The following NBAS variants were observed in gnomAD, a reference collection of about 807,000 sequenced individuals.
The protein encoded by NBAS is NAG/BC035112 fusion.
Under a neutral mutation model 302.5 loss-of-function variants are expected in NBAS, and 219 were observed. That is an observed-to-expected ratio of 0.72 (90% CI 0.65 to 0.81). The LOEUF is 0.81. Among genes scored for constraint, NBAS ranks in the 30% least tolerant of loss-of-function variants. The pLI is 0.00. For missense variants in NBAS, 2,932 were observed against 2,841.6 expected (o/e 1.03, Z -0.72); for synonymous variants, 1,118 against 1,021.6 (o/e 1.09, Z -1.80).
chr2:15,010,380 T>C, the NBAS span, among the ~76,000 whole-genome samples: 2 of 152,198 alleles, frequency 1.3e-5, no homozygotes, highest in African/African-American at 4.8e-5. Flanking sequence ...ACAGAGGCAG[T>C]ATTATGTTAG....
chr2:15,542,106 C>A (rs1241965990), intron 6 of NBAS, among the ~76,000 whole-genome samples: 1 of 83,610 alleles, frequency 1.2e-5, no homozygotes. Context: ...TCTGCCTGGC[C>A]ACCACCCCGT....
the NBAS span, among the ~76,000 whole-genome samples, chr2:15,022,764 T>C: frequency 6.6e-6 from 1 of 152,182 alleles, no homozygotes; most frequent in Non-Finnish European, 1.5e-5. Flanking sequence ...CTGCCTGTCC[T>C]GCTTCTATTT....
intron 38 of NBAS, among the ~76,000 whole-genome samples, chr2:15,318,004 T>C (rs1671598728): frequency 6.6e-6 from 1 of 152,184 alleles, no homozygotes; most frequent in Non-Finnish European, 1.5e-5. Flanking sequence ...GCACAAAAGG[T>C]TGGGTTGCCC....
chr2:15,133,712 A>G, the NBAS span, among the ~76,000 whole-genome samples: 1 of 152,164 alleles, frequency 6.6e-6, no homozygotes, highest in African/African-American at 2.4e-5. Flanking sequence ...TGTGGCTAGT[A>G]GGTCCCCATT....
At chr2:15,504,110 G>C (rs773804112) in intron 11 of NBAS, 35 bp downstream of exon 11, 2 of 1,568,506 alleles carry the variant, frequency 1.3e-6, no homozygotes, top group African/African-American at 2.7e-5. Flanking sequence ...AAAAATGTTT[G>C]AGAAGCCCAC....
chr2:15,347,994 G>A (rs951619284), intron 35 of NBAS, among the ~76,000 whole-genome samples: 4 of 152,304 alleles, frequency 2.6e-5, no homozygotes, highest in Admixed American at 2.6e-4. Flanking sequence ...TTTCACAAGT[G>A]AAGTAATGAA....
At chr2:15,173,211 T>C (rs1311508428) in intron 51 of NBAS, among the ~76,000 whole-genome samples, 1 of 152,216 alleles carries the variant, frequency 6.6e-6, no homozygotes, top group East Asian at 1.9e-4. Flanking sequence ...AAGAAATCTA[T>C]TAAAGCACAA....
the NBAS span, among the ~76,000 whole-genome samples, chr2:14,787,889 T>G: frequency 1.3e-5 from 2 of 152,218 alleles, no homozygotes; most frequent in African/African-American, 4.8e-5. Flanking sequence ...ATTGGGGAAG[T>G]TCTCCTGGAT....
At chr2:14,811,723 G>A in the NBAS span, among the ~76,000 whole-genome samples, 3 of 152,172 alleles carry the variant, frequency 2.0e-5, no homozygotes, top group African/African-American at 7.2e-5. Context: ...TAAGGTGGCT[G>A]TTGCAGTAAC....
At chr2:15,553,097 C>T (rs112635366) in intron 5 of NBAS, among the ~76,000 whole-genome samples, 80 of 152,276 alleles carry the variant, frequency 5.3e-4, no homozygotes, top group South Asian at 2.1e-3. Flanking sequence ...TTTACACCTT[C>T]CTGAGTTTCT....
Position 15,388,390 on chromosome 2 carries a change from TA to T in NBAS, c.3258-5074del, listed in dbSNP as rs57526833. Reference sequence around the variant, plus strand: ...CACTAGTCATGTAAGAAATGCATATTAAAAAAAAAAAGAAATGCATATTTTA... The same window carrying T: ...CACTAGTCATGTAAGAAATGCATATTAAAAAAAAAAGAAATGCATATTTTA... On this transcript the variant is annotated intron_variant, in intron 28 of 51. Transcript: ENST00000281513. Among the ~76,000 whole-genome samples, 99 of 145,624 alleles carry T rather than the reference TA, an allele frequency of 6.8e-4. 1 individual carries two copies. The highest frequency in any genetic ancestry group is 8.8e-4 in the African/African-American group (35 of 39,978).
chr2:15,087,050 AT>A, the NBAS span, among the ~76,000 whole-genome samples: 1 of 150,900 alleles, frequency 6.6e-6, no homozygotes, highest in Non-Finnish European at 1.5e-5. Flanking sequence ...CTGGAACATC[AT>A]TTTTTTCCCC....
the NBAS span, among the ~76,000 whole-genome samples, chr2:15,144,067 ATC>A: frequency 4.2e-4 from 49 of 115,820 alleles, 6 homozygotes; most frequent in African/African-American, 1.6e-3. Flanking sequence ...ATATATATAT[ATC>A]TCCCATTAGT....
At chr2:15,364,512 C>A (rs767158435) in intron 32 of NBAS, among the ~76,000 whole-genome samples, 1 of 151,940 alleles carries the variant, frequency 6.6e-6, no homozygotes, top group Non-Finnish European at 1.5e-5. Context: ...GCCTGGGCAA[C>A]AAGAGCGAAA....
At chr2:15,382,853 A>C (rs1675108445) in intron 29 of NBAS, among the ~76,000 whole-genome samples, 1 of 152,196 alleles carries the variant, frequency 6.6e-6, no homozygotes, top group Non-Finnish European at 1.5e-5. Flanking sequence ...GTAGGGAAAC[A>C]AGTAGGGGGA....
intron 35 of NBAS, among the ~76,000 whole-genome samples, chr2:15,335,723 C>G (rs1672552375): frequency 6.6e-6 from 1 of 152,146 alleles, no homozygotes; most frequent in South Asian, 2.1e-4. Flanking sequence ...ATTCTGGATA[C>G]ACATCCCTTA....
chr2:15,455,784 C>T (rs756934905), intron 21 of NBAS, among the ~76,000 whole-genome samples: 4 of 137,632 alleles, frequency 2.9e-5, no homozygotes, highest in African/African-American at 5.4e-5. Flanking sequence ...CTTGCTCCTA[C>T]GCTACACTAT....
the NBAS span, among the ~76,000 whole-genome samples, chr2:14,791,110 C>T: frequency 1.4e-4 from 22 of 152,144 alleles, no homozygotes; most frequent in Non-Finnish European, 1.2e-4. Context: ...CCGCCTTGGC[C>T]TCCCAAAGTG....
rs771673475 is a variant in NBAS, at chr2:15,473,251, C to T, written c.1696G>A (p.Val566Ile). The change falls in exon 16 of 52, where the codon GTC (valine) becomes ATC (isoleucine). Residue 566 changes from valine to isoleucine, a missense_variant. By Grantham distance (29) the Val-to-Ile change is conservative. Coordinates refer to ENST00000281513, the MANE Select transcript of NBAS (RefSeq NM_015909.4). ...TAATTCTGAATTGAAGCAACGTTGACCGCTGACTTCCTCCACTGCCTCTGA... is the reference window on the plus strand; with the variant it reads ...TAATTCTGAATTGAAGCAACGTTGATCGCTGACTTCCTCCACTGCCTCTGA... ...VYQRQWRKSA[V>I]NVASIQNYLS... 1.2e-6 allele frequency: 2 copies of T among 1,614,092 alleles called. No individual in the cohort carries two copies. The highest frequency in any genetic ancestry group is 1.7e-5 in the Admixed American group (1 of 60,026).
Sources: allele counts gnomAD v4.1 joint callset (sites outside exome capture counted in the v4.1 genomes callset), GRCh38; gene constraint gnomAD v4.1.1; transcripts MANE v1.5; gene names NCBI Gene and HGNC (gene_info 2026-07-23, HGNC 2026-07-21).